The following AFG2A variants were observed in gnomAD, a reference collection of about 807,000 sequenced individuals.
AFG2A encodes the protein AAA ATPase AFG2A, also known as ATPase family gene 2 protein homolog A.
chr4:123,198,090 G>A, the AFG2A span, among the ~76,000 whole-genome samples: 1 of 152,042 alleles, frequency 6.6e-6, no homozygotes, highest in Admixed American at 6.6e-5. Context: ...CGAACACAGT[G>A]AAATCCCGTA....
chr4:123,012,010 T>C, the AFG2A span, among the ~76,000 whole-genome samples: 1 of 63,482 alleles, frequency 1.6e-5, no homozygotes, highest in African/African-American at 6.4e-5. Flanking sequence ...AAGGGGTGGG[T>C]AGAGACATGG....
At chr4:123,180,974 C>A in the AFG2A span, among the ~76,000 whole-genome samples, 3 of 140,794 alleles carry the variant, frequency 2.1e-5, no homozygotes, top group South Asian at 6.6e-4. Context: ...TTCCTCCTCC[C>A]CCTCTTTTTT....
chr4:123,183,933 T>TATTCATTCATTCATTCATTC, the AFG2A span, among the ~76,000 whole-genome samples: 1 of 137,312 alleles, frequency 7.3e-6, no homozygotes, highest in African/African-American at 3.3e-5. Context: ...CTTGCTTATT[T>TATTCATTCATTCATTCATTC]ATTCATTCAT....
chr4:122,948,725 A>G, the AFG2A span, among the ~76,000 whole-genome samples: 1 of 152,090 alleles, frequency 6.6e-6, no homozygotes, highest in South Asian at 2.1e-4. Context: ...CACTTGCAAA[A>G]AGCATGCAGC....
the AFG2A span, among the ~76,000 whole-genome samples, chr4:122,973,497 G>A: frequency 6.6e-6 from 1 of 150,770 alleles, no homozygotes; most frequent in Non-Finnish European, 1.5e-5. Context: ...GAATAGGCAA[G>A]TATTTTTATT....
the AFG2A span, among the ~76,000 whole-genome samples, chr4:123,060,216 G>C: frequency 3.9e-5 from 6 of 152,168 alleles, no homozygotes; most frequent in African/African-American, 1.4e-4. Flanking sequence ...CAGGCACATG[G>C]TGCAAGCTGT....
chr4:123,194,304 C>A, the AFG2A span, among the ~76,000 whole-genome samples: 4 of 152,110 alleles, frequency 2.6e-5, no homozygotes, highest in Non-Finnish European at 4.4e-5. Flanking sequence ...ATAACTCTGA[C>A]GATAGCTGAT....
the AFG2A span, among the ~76,000 whole-genome samples, chr4:122,933,262 A>G: frequency 6.6e-6 from 1 of 152,208 alleles, no homozygotes; most frequent in African/African-American, 2.4e-5. Flanking sequence ...TCATGGCTAT[A>G]TGTTTCTGAA....
At chr4:123,292,841 G>A in the AFG2A span, among the ~76,000 whole-genome samples, 1 of 152,286 alleles carries the variant, frequency 6.6e-6, no homozygotes, top group East Asian at 1.9e-4. Flanking sequence ...TTTTGGGCCA[G>A]TAGGAGGTAC....
the AFG2A span, among the ~76,000 whole-genome samples, chr4:123,023,083 C>T: frequency 1.3e-5 from 2 of 150,352 alleles, no homozygotes; most frequent in Non-Finnish European, 3.0e-5. Context: ...ATACCTAATG[C>T]TAAATGATGA....
chr4:122,924,492 C>CTTCTT, the AFG2A span, among the ~76,000 whole-genome samples: 1 of 152,202 alleles, frequency 6.6e-6, no homozygotes, highest in African/African-American at 2.4e-5. Flanking sequence ...AAACACTTAA[C>CTTCTT]TTCTTATGTG....
chr4:123,016,693 A>G, the AFG2A span, among the ~76,000 whole-genome samples: 1 of 151,830 alleles, frequency 6.6e-6, no homozygotes, highest in Non-Finnish European at 1.5e-5. Context: ...GGCCAGGCAG[A>G]GACGCTCCTC....
the AFG2A span, among the ~76,000 whole-genome samples, chr4:123,208,929 G>A: frequency 1.3e-5 from 2 of 152,112 alleles, no homozygotes; most frequent in Non-Finnish European, 2.9e-5. Context: ...GTGGCTTCAG[G>A]GTGGGGTCAC....
the AFG2A span, among the ~76,000 whole-genome samples, chr4:123,230,143 A>C: frequency 6.6e-6 from 1 of 151,872 alleles, no homozygotes; most frequent in Non-Finnish European, 1.5e-5. Context: ...TTAACAGTGA[A>C]GTTTGCCACA....
the AFG2A span, among the ~76,000 whole-genome samples, chr4:123,159,059 C>T: frequency 2.0e-5 from 3 of 152,194 alleles, no homozygotes; most frequent in East Asian, 3.9e-4. Flanking sequence ...ACTCCTAGTC[C>T]AGTGTTCTGT....
At chr4:123,178,364 A>G in the AFG2A span, among the ~76,000 whole-genome samples, 2 of 152,224 alleles carry the variant, frequency 1.3e-5, no homozygotes, top group African/African-American at 4.8e-5. Context: ...CTGTAAATCC[A>G]TAACAGATCC....
chr4:123,027,646 TAC>T, the AFG2A span, among the ~76,000 whole-genome samples: 1 of 152,222 alleles, frequency 6.6e-6, no homozygotes, highest in Non-Finnish European at 1.5e-5. Context: ...CGTTTTCTGG[TAC>T]ACGTATATTC....
the AFG2A span, among the ~76,000 whole-genome samples, chr4:123,218,806 G>A: frequency 6.6e-6 from 1 of 152,128 alleles, no homozygotes; most frequent in Admixed American, 6.5e-5. Context: ...AGTTGAGTGG[G>A]AATTGGAAGG....
chr4:123,140,752 A>G, the AFG2A span, among the ~76,000 whole-genome samples: 2 of 152,156 alleles, frequency 1.3e-5, no homozygotes. Flanking sequence ...CATTTTCACA[A>G]TATGGAGTTT....
Sources: gnomAD v4.1 joint callset for allele counts (sites outside exome capture counted in the v4.1 genomes callset) on GRCh38, gnomAD v4.1.1 for gene constraint, MANE v1.5 for transcripts, NCBI Gene and HGNC (gene_info 2026-07-23, HGNC 2026-07-21) for gene names.